Variants in ANKS1B observed in about 807,000 individuals in gnomAD.
ANKS1B encodes ankyrin repeat and sterile alpha motif domain-containing protein 1B.
Under a neutral mutation model 148.3 loss-of-function variants are expected in ANKS1B, and 36 were observed. That is an observed-to-expected ratio of 0.24 (90% CI 0.19 to 0.32). The LOEUF (loss-of-function observed/expected upper bound fraction) is 0.32. Ranked by LOEUF, ANKS1B falls within the 10% of genes least tolerant of loss-of-function variation. The pLI, the probability that ANKS1B is intolerant of heterozygous loss-of-function variation, is 1.00. For synonymous variants in ANKS1B, 542 were observed against 560.8 expected (o/e 0.97, Z 0.47); for missense variants, 1,157 against 1,542.6 (o/e 0.75, Z 4.19).
rs567707583 is a variant in ANKS1B at position 99,014,434 on chromosome 12, A to G, written c.2778+38723T>C. Among the ~76,000 whole-genome samples, 18 of 152,350 alleles carry G rather than the reference A, an allele frequency of 1.2e-4. 1 individual carries two copies. The South Asian group carries it at 3.7e-3, about 32-fold the overall frequency. ...CTACAAAAACCCTGGAAGACAACCTAGGCAATACCATTCAGGACATAGGCA... is the reference window on the plus strand; with the variant it reads ...CTACAAAAACCCTGGAAGACAACCTGGGCAATACCATTCAGGACATAGGCA... On this transcript the variant is annotated intron_variant, in intron 17 of 26. Coordinates refer to ENST00000683438, the MANE Select transcript of ANKS1B (RefSeq NM_001352186.2).
chr12:98,812,785 G>A (rs560742760), intron 19 of ANKS1B, among the ~76,000 whole-genome samples: 3 of 152,198 alleles, frequency 2.0e-5, no homozygotes, highest in African/African-American at 7.2e-5. Flanking sequence ...TGTTGCCCAG[G>A]CTGGTGGTCT....
At chr12:98,845,090 G>T (rs958297633) in intron 17 of ANKS1B, among the ~76,000 whole-genome samples, 2 of 152,132 alleles carry the variant, frequency 1.3e-5, no homozygotes, top group Non-Finnish European at 2.9e-5. Context: ...GGGTTTAGCA[G>T]AAAGAATGCA....
At chr12:99,161,145 A>T (rs1185448982) in intron 14 of ANKS1B, among the ~76,000 whole-genome samples, 1 of 152,188 alleles carries the variant, frequency 6.6e-6, no homozygotes, top group Non-Finnish European at 1.5e-5. Flanking sequence ...AACCATATTG[A>T]TTCTTTCAAT....
At chr12:99,361,931 C>A (rs1340933358) in intron 12 of ANKS1B, among the ~76,000 whole-genome samples, 1 of 151,946 alleles carries the variant, frequency 6.6e-6, no homozygotes, top group African/African-American at 2.4e-5. Context: ...TATATCAGTA[C>A]ATGAAAGCAT....
intron 12 of ANKS1B, among the ~76,000 whole-genome samples, chr12:99,368,740 G>A (rs1341289636): frequency 2.0e-5 from 3 of 152,122 alleles, no homozygotes; most frequent in Admixed American, 2.0e-4. Context: ...ATAAGATGAA[G>A]AGAGTGATAG....
At chr12:99,298,308 T>C (rs754576693) in intron 12 of ANKS1B, among the ~76,000 whole-genome samples, 8 of 152,130 alleles carry the variant, frequency 5.3e-5, no homozygotes, top group Non-Finnish European at 1.2e-4. Flanking sequence ...GTGTAGATAA[T>C]TGAATCATGG....
At chr12:99,682,930 T>TA (rs528999040) in intron 8 of ANKS1B, among the ~76,000 whole-genome samples, 28 of 150,456 alleles carry the variant, frequency 1.9e-4, no homozygotes, top group South Asian at 4.2e-4. Context: ...TATTAAAAAA[T>TA]AAAAAAAAAG....
intron 17 of ANKS1B, among the ~76,000 whole-genome samples, chr12:98,840,294 T>G (rs978209068): frequency 1.3e-5 from 2 of 152,126 alleles, no homozygotes; most frequent in African/African-American, 4.8e-5. Context: ...TGCCACTTCA[T>G]CTAAAAAAAA....
chr12:99,301,310 C>T (rs1362837296), intron 12 of ANKS1B, among the ~76,000 whole-genome samples: 1 of 152,170 alleles, frequency 6.6e-6, no homozygotes, highest in Non-Finnish European at 1.5e-5. Flanking sequence ...TTTACCAGCT[C>T]TCTGGGATCT....
chr12:98,960,516 G>A (rs917723919), intron 17 of ANKS1B, among the ~76,000 whole-genome samples: 1 of 152,046 alleles, frequency 6.6e-6, no homozygotes, highest in African/African-American at 2.4e-5. Context: ...TACCTGGAAG[G>A]CCCTTCCCAA....
Position 99,060,706 on chromosome 12 carries a change from T to G in ANKS1B, c.2626-7397A>C, listed in dbSNP as rs2042160712. Among the ~76,000 whole-genome samples, 2 of 134,300 alleles carry G rather than the reference T, an allele frequency of 1.5e-5. 1 individual carries two copies. Among genetic ancestry groups the G allele is most frequent in the African/African-American group, 5.8e-5 (2 of 34,220 alleles). 88.1% of individuals were successfully genotyped at this position (134,300 alleles called of 152,430 possible). ...ACACACACACACACACACACATATA[T>G]ATAGAGAGAGAGAGCCTGTCATTCC... On this transcript the variant is annotated intron_variant, in intron 16 of 26. Transcript: ENST00000683438.
chr12:99,517,736 T>C (rs1476129838), intron 9 of ANKS1B, among the ~76,000 whole-genome samples: 1 of 152,110 alleles, frequency 6.6e-6, no homozygotes, highest in Non-Finnish European at 1.5e-5. Flanking sequence ...TTGCTCTATC[T>C]AGGACTTCCA....
chr12:99,078,622 G>C (rs1252449529), intron 16 of ANKS1B, among the ~76,000 whole-genome samples: 1 of 152,164 alleles, frequency 6.6e-6, no homozygotes, highest in African/African-American at 2.4e-5. Flanking sequence ...GGAAATAAAG[G>C]GTGTTTTTTT....
At chr12:99,322,835 C>T (rs1344616451) in intron 12 of ANKS1B, among the ~76,000 whole-genome samples, 5 of 152,126 alleles carry the variant, frequency 3.3e-5, no homozygotes, top group Admixed American at 6.5e-5. Flanking sequence ...AAGTTTTCCC[C>T]GTACCGTTCT....
At chr12:99,705,951 TA>T (rs1386730538) in intron 8 of ANKS1B, among the ~76,000 whole-genome samples, 1 of 152,114 alleles carries the variant, frequency 6.6e-6, no homozygotes, top group Non-Finnish European at 1.5e-5. Flanking sequence ...TAATTAATCC[TA>T]GGGGAAATAA....
intron 15 of ANKS1B, among the ~76,000 whole-genome samples, chr12:99,115,385 A>G (rs145554920): frequency 0.017 from 2,543 of 152,250 alleles, 72 homozygotes; most frequent in African/African-American, 0.057. Context: ...ACCAAATACC[A>G]CATGTTCTCA....
At chr12:98,963,841 T>C (rs1043874498) in intron 17 of ANKS1B, among the ~76,000 whole-genome samples, 4 of 152,210 alleles carry the variant, frequency 2.6e-5, no homozygotes, top group Admixed American at 2.0e-4. Context: ...GGCTCATGCC[T>C]GTAATCCTAG....
At chr12:98,978,614 C>T (rs1204948161) in intron 17 of ANKS1B, among the ~76,000 whole-genome samples, 2 of 152,042 alleles carry the variant, frequency 1.3e-5, no homozygotes, top group African/African-American at 4.8e-5. Flanking sequence ...TCTATGCACT[C>T]TTAATTCATA....
chr12:99,928,236 A>G (rs914270974), intron 1 of ANKS1B, among the ~76,000 whole-genome samples: 10 of 151,952 alleles, frequency 6.6e-5, no homozygotes, highest in Non-Finnish European at 1.0e-4. Context: ...AATTGAATTC[A>G]AAGTCTTCAA....
Sources: gnomAD v4.1 joint callset for allele counts (sites outside exome capture counted in the v4.1 genomes callset) on GRCh38, gnomAD v4.1.1 for gene constraint, MANE v1.5 for transcripts, NCBI Gene and HGNC (gene_info 2026-07-23, HGNC 2026-07-21) for gene names.